PSMA1: variants seen among roughly 807,000 people sequenced by gnomAD.
PSMA1 encodes the protein proteasome 20S subunit alpha 1.
PSMA1 carries 3 observed loss-of-function variants against 38.4 expected under a neutral mutation model. That is an observed-to-expected ratio of 0.08 (90% CI 0.04 to 0.20). The LOEUF is 0.20. Among genes scored for constraint, PSMA1 ranks in the 10% least tolerant of loss-of-function variants. The pLI is 1.00. For synonymous variants in PSMA1, 101 were observed against 107.1 expected, an observed-to-expected ratio of 0.94 and a Z score of 0.35; for missense variants, 227 against 325.3, an observed-to-expected ratio of 0.70 and a Z score of 2.32.
At chr11:14,605,688 C>T (rs1361545344) in intron 2 of PSMA1, among the ~76,000 whole-genome samples, 1 of 152,156 alleles carries the variant, frequency 6.6e-6, no homozygotes, top group African/African-American at 2.4e-5. Flanking sequence ...TGCCTGGCTT[C>T]TTTTGCCTAT....
intron 2 of PSMA1, among the ~76,000 whole-genome samples, chr11:14,592,394 A>ATATATT (rs1353768420): frequency 1.2e-4 from 16 of 138,142 alleles, no homozygotes; most frequent in South Asian, 2.3e-4. Context: ...ATATATATAT[A>ATATATT]TTTTTTTTTT....
upstream of PSMA1, among the ~76,000 whole-genome samples, chr11:14,522,906 T>C (rs1851544618): frequency 6.6e-6 from 1 of 152,206 alleles, no homozygotes; most frequent in East Asian, 1.9e-4. Context: ...ATTTTTTGAC[T>C]TTTTAAAAAT....
At position 14,617,685 on chromosome 11, in the gene PSMA1, G is replaced by GTATA. The variant is rs3087097; in HGVS notation, c.-165-6538_-165-6535dup. Among the ~76,000 whole-genome samples the GTATA allele has an allele frequency of 7.2e-3, 1,040 of 144,748 alleles. 11 individuals carry two copies. Among genetic ancestry groups the GTATA allele is most frequent in the South Asian group, 0.021 (95 of 4,598 alleles). The allele number at this position is 144,748 out of a possible 152,430, so 95.0% of individuals were successfully genotyped here. On this transcript the variant is annotated intron_variant, in intron 1 of 10. Transcript: ENST00000418988. ...GAAATATATATATACATATATATAC[G>GTATA]TATATATATATATGTGTGTGTGTGT...
intron 2 of PSMA1, among the ~76,000 whole-genome samples, chr11:14,578,426 A>G (rs890162277): frequency 1.3e-5 from 2 of 152,114 alleles, no homozygotes; most frequent in Admixed American, 1.3e-4. Flanking sequence ...GGATGGACAA[A>G]TTTCTTGATA....
At chr11:14,626,190 T>A (rs1240277987) in intron 1 of PSMA1, among the ~76,000 whole-genome samples, 1 of 152,002 alleles carries the variant, frequency 6.6e-6, no homozygotes, top group Non-Finnish European at 1.5e-5. Context: ...TAATCTTTTG[T>A]ACAGTCTGGC....
intron 2 of PSMA1, among the ~76,000 whole-genome samples, chr11:14,538,995 A>T (rs750697144): frequency 6.6e-5 from 10 of 152,246 alleles, no homozygotes; most frequent in Non-Finnish European, 1.3e-4. Flanking sequence ...AGTCGTTGGG[A>T]CAGAAAAACA....
At chr11:14,608,167 ATGG>A (rs1565057347) in intron 2 of PSMA1, among the ~76,000 whole-genome samples, 1 of 152,140 alleles carries the variant, frequency 6.6e-6, no homozygotes, top group African/African-American at 2.4e-5. Context: ...CTTGGGCAAC[ATGG>A]TGAGACTTCA....
intron 2 of PSMA1, among the ~76,000 whole-genome samples, chr11:14,584,766 G>A (rs2134185231): frequency 6.6e-6 from 1 of 152,284 alleles, no homozygotes; most frequent in Middle Eastern, 3.4e-3. Flanking sequence ...CTGTGACACA[G>A]CTGTTCTGTG....
At chr11:14,628,885 T>A (rs1013116405) in intron 1 of PSMA1, among the ~76,000 whole-genome samples, 2 of 150,964 alleles carry the variant, frequency 1.3e-5, no homozygotes, top group African/African-American at 4.9e-5. Flanking sequence ...GGTATCTCAT[T>A]GTGGTTTTGA....
chr11:14,563,894 T>C (rs934815149), intron 2 of PSMA1, among the ~76,000 whole-genome samples: 2 of 152,204 alleles, frequency 1.3e-5, no homozygotes, highest in Non-Finnish European at 2.9e-5. Flanking sequence ...AATTTTATAA[T>C]CAATGATTAA....
Position 14,508,719 on chromosome 11 carries a change from T to C in PSMA1, c.625-953A>G, listed in dbSNP as rs538332152. 3.3e-5 allele frequency among the ~76,000 whole-genome samples: 5 copies of C among 152,246 alleles called. No individual in the cohort carries two copies. In the South Asian group the frequency reaches 1.0e-3, roughly 32 times the overall value. On this transcript the variant is annotated intron_variant, in intron 8 of 9. Transcript: ENST00000396394. ...AACAGAAATATCCTCCAAAAAGCTA[T>C]CTGCAATTCCTCGTCTCCCATTCTC...
intron 2 of PSMA1, among the ~76,000 whole-genome samples, chr11:14,583,251 C>T (rs1459880235): frequency 1.3e-5 from 2 of 152,164 alleles, no homozygotes; most frequent in Non-Finnish European, 1.5e-5. Context: ...CTCTTCTTCC[C>T]TGATTGTTTT....
upstream of PSMA1, among the ~76,000 whole-genome samples, chr11:14,525,267 C>T (rs1433824423): frequency 6.6e-6 from 1 of 152,126 alleles, no homozygotes; most frequent in African/African-American, 2.4e-5. Context: ...TATTCCTGGA[C>T]TACAGCCACA....
chr11:14,558,249 C>CAAAAAA (rs35509045), intron 2 of PSMA1, among the ~76,000 whole-genome samples: 8 of 78,000 alleles, frequency 1.0e-4, no homozygotes, highest in African/African-American at 1.5e-4. Context: ...CCCATCTGCA[C>CAAAAAA]AAAAAAAAAA....
At chr11:14,590,152 T>C (rs1399136736) in intron 2 of PSMA1, among the ~76,000 whole-genome samples, 2 of 152,122 alleles carry the variant, frequency 1.3e-5, no homozygotes, top group Admixed American at 6.5e-5. Flanking sequence ...GTCAAACTGA[T>C]AGAGAAAGTA....
intron 2 of PSMA1, among the ~76,000 whole-genome samples, chr11:14,571,472 T>A (rs1233389049): frequency 1.3e-5 from 2 of 152,092 alleles, no homozygotes; most frequent in African/African-American, 4.8e-5. Context: ...CAGAGAGATT[T>A]TGTCGTCACC....
At chr11:14,594,675 C>G (rs1252340917) in intron 2 of PSMA1, among the ~76,000 whole-genome samples, 3 of 152,124 alleles carry the variant, frequency 2.0e-5, no homozygotes, top group African/African-American at 7.2e-5. Flanking sequence ...TTTTCCATAG[C>G]ACAATGTTAG....
intron 1 of PSMA1, among the ~76,000 whole-genome samples, chr11:14,620,067 C>CGTGTGT (rs141933385): frequency 2.5e-4 from 38 of 149,654 alleles, no homozygotes; most frequent in African/African-American, 8.3e-4. Flanking sequence ...TGTGTGTGTG[C>CGTGTGT]GTGTGTGTGT....
At position 14,642,294 on chromosome 11, in the gene PSMA1, A is replaced by C. The variant is rs182792429; in HGVS notation, c.-166+1161T>G. Reference sequence around the variant, plus strand: ...CAACTGGTGGTAATGAGTTCTATGCACATCATATAAAAAATACATTTGCTG... The same window carrying C: ...CAACTGGTGGTAATGAGTTCTATGCCCATCATATAAAAAATACATTTGCTG... On this transcript the variant is annotated intron_variant, in intron 1 of 10. Transcript: ENST00000418988. 1.1e-4 allele frequency among the ~76,000 whole-genome samples: 16 copies of C among 152,306 alleles called. No homozygotes were observed. The East Asian group carries it at 2.9e-3, about 28-fold the overall frequency.
Sources: gnomAD v4.1 joint callset for allele counts (sites outside exome capture counted in the v4.1 genomes callset) on GRCh38, gnomAD v4.1.1 for gene constraint, MANE v1.5 for transcripts, NCBI Gene and HGNC (gene_info 2026-07-23, HGNC 2026-07-21) for gene names.